The following DMD variants were observed in gnomAD, a reference collection of about 807,000 sequenced individuals.
DMD encodes the protein mutant dystrophin.
A neutral mutation model predicts 330.1 loss-of-function variants in DMD; 63 were observed. That is an observed-to-expected ratio of 0.19 (90% confidence interval 0.16 to 0.24). DMD has a LOEUF of 0.24. Ranked by LOEUF, DMD falls within the 10% of genes least tolerant of loss-of-function variation. The probability of loss-of-function intolerance (pLI) is 1.00; values close to 1 mark genes in which losing one functional copy is unlikely to be tolerated. For missense variants in DMD, 3,344 were observed against 2,684.1 expected (o/e 1.25, Z -5.43); for synonymous variants, 1,223 against 959.8 (o/e 1.27, Z -5.07).
At chrX:32,688,221 A>G (rs5972649) in intron 9 of DMD, among the ~76,000 whole-genome samples, 297 of 111,079 alleles carry the variant, frequency 2.7e-3, no homozygotes, top group Admixed American at 4.8e-3. Context: ...AAATGAGAGC[A>G]TTCAAATATC....
intron 76 of DMD, among the ~76,000 whole-genome samples, chrX:31,136,497 C>G (rs780643738): frequency 8.6e-4 from 96 of 112,096 alleles, no homozygotes; most frequent in African/African-American, 3.0e-3. Context: ...TTTTGCGGAA[C>G]TGGGAAACAT....
At chrX:33,292,687 A>G (rs548064170) in intron 1 of DMD, among the ~76,000 whole-genome samples, 4 of 111,350 alleles carry the variant, frequency 3.6e-5, no homozygotes, top group African/African-American at 1.3e-4. Flanking sequence ...ATGAAGAAAA[A>G]AAAGAAAGAA....
chrX:31,956,006 A>C (rs753507658), intron 45 of DMD, among the ~76,000 whole-genome samples: 2 of 112,354 alleles, frequency 1.8e-5, no homozygotes, highest in South Asian at 7.4e-4. Flanking sequence ...CATGAGAATA[A>C]ATTCTGGCCA....
At chrX:32,082,436 CT>C (rs1486694440) in intron 44 of DMD, among the ~76,000 whole-genome samples, 13 of 107,906 alleles carry the variant, frequency 1.2e-4, no homozygotes, top group Non-Finnish European at 2.3e-4. Flanking sequence ...ATCTATCTAT[CT>C]ATTTTGTAGA....
chrX:32,318,219 A>AT (rs2097591320), intron 41 of DMD, among the ~76,000 whole-genome samples: 1 of 111,349 alleles, frequency 9.0e-6, no homozygotes, highest in Non-Finnish European at 1.9e-5. Flanking sequence ...AAGTTGAGAG[A>AT]TTTTTTATTT....
chrX:31,514,979 C>A (rs1365182276), intron 55 of DMD, among the ~76,000 whole-genome samples: 1 of 109,194 alleles, frequency 9.2e-6, no homozygotes, highest in Non-Finnish European at 1.9e-5. Context: ...AGAATAAAGT[C>A]TTCCTTTAGG....
In DMD at chrX:32,491,272, C is replaced by T; in HGVS notation, c.2622+5G>A. ...GCTCCAAATGGAAGGAGAAGAGATTCTTACCTTACAAATTTTTAACTGACT... is the reference window on the plus strand; with the variant it reads ...GCTCCAAATGGAAGGAGAAGAGATTTTTACCTTACAAATTTTTAACTGACT... On this transcript the variant is annotated splice_donor_5th_base_variant and intron_variant, in intron 20 of 78. Transcript: ENST00000357033. 1.7e-6 allele frequency: 2 copies of T among 1,211,538 alleles called. No individual in the cohort carries two copies. Among genetic ancestry groups the T allele is most frequent in the Non-Finnish European group, 1.1e-6 (1 of 895,315 alleles).
intron 2 of DMD, among the ~76,000 whole-genome samples, chrX:33,008,733 A>T (rs1035597756): frequency 1.2e-3 from 127 of 104,165 alleles, no homozygotes; most frequent in Non-Finnish European, 1.9e-3. Context: ...GATTGTTAAA[A>T]ATATATATAT....
chrX:32,099,129 C>T (rs1300286069), intron 44 of DMD, among the ~76,000 whole-genome samples: 1 of 111,547 alleles, frequency 9.0e-6, no homozygotes, highest in Non-Finnish European at 1.9e-5. Context: ...TAAAAGTGTT[C>T]CTATTTCTCC....
At chrX:32,050,516 A>C (rs2096101685) in intron 44 of DMD, among the ~76,000 whole-genome samples, 1 of 111,877 alleles carries the variant, frequency 8.9e-6, no homozygotes, top group South Asian at 3.7e-4. Context: ...GAAAGAATTG[A>C]ATTGATTTCT....
chrX:32,576,108 G>A (rs1281292006), intron 13 of DMD, among the ~76,000 whole-genome samples: 1 of 111,543 alleles, frequency 9.0e-6, no homozygotes, highest in South Asian at 3.7e-4. Context: ...TTGCAGTTTT[G>A]TTCACTGTAT....
chrX:32,058,001 T>C (rs1215202004), intron 44 of DMD, among the ~76,000 whole-genome samples: 1 of 111,273 alleles, frequency 9.0e-6, no homozygotes, highest in Non-Finnish European at 1.9e-5. Context: ...CAACCAATGG[T>C]GCTGGGAAAA....
chrX:32,326,384 G>A (rs1413232471), intron 41 of DMD, among the ~76,000 whole-genome samples: 1 of 111,842 alleles, frequency 8.9e-6, no homozygotes, highest in Non-Finnish European at 1.9e-5. Context: ...AAAGCCAAAG[G>A]ACATATTTTG....
chrX:33,277,917 C>T (rs1449481668), intron 1 of DMD, among the ~76,000 whole-genome samples: 1 of 110,747 alleles, frequency 9.0e-6, no homozygotes, highest in Non-Finnish European at 1.9e-5. Flanking sequence ...GGTCTGTCAC[C>T]ATAGTGAGAC....
intron 1 of DMD, among the ~76,000 whole-genome samples, chrX:33,172,545 G>C (rs1371405017): frequency 9.0e-6 from 1 of 111,004 alleles, no homozygotes; most frequent in African/African-American, 3.3e-5. Flanking sequence ...AGAATGGTTT[G>C]GTGCTGTCCA....
At chrX:31,591,190 T>C in intron 55 of DMD, among the ~76,000 whole-genome samples, 1 of 112,247 alleles carries the variant, frequency 8.9e-6, no homozygotes. Flanking sequence ...TAATTTCACT[T>C]CTTTATTTTT....
At chrX:32,778,400 C>T (rs768883727) in intron 7 of DMD, among the ~76,000 whole-genome samples, 2 of 110,949 alleles carry the variant, frequency 1.8e-5, no homozygotes, top group Non-Finnish European at 3.8e-5. Flanking sequence ...GCTGAACAGC[C>T]AAGTACAACA....
chrX:31,263,154 G>A (rs991090703), intron 62 of DMD, among the ~76,000 whole-genome samples: 3 of 112,689 alleles, frequency 2.7e-5, no homozygotes, highest in Non-Finnish European at 3.8e-5. Flanking sequence ...CTATAGGTCT[G>A]CAGAAAAACA....
At chrX:32,605,933 G>A (rs5928042) in intron 12 of DMD, among the ~76,000 whole-genome samples, 15,205 of 108,540 alleles carry the variant, frequency 0.14, 882 homozygotes, top group Middle Eastern at 0.2. Flanking sequence ...GTATTTGTGG[G>A]GTACATGAGA....
Sources: gnomAD v4.1 joint callset for allele counts (sites outside exome capture counted in the v4.1 genomes callset) on GRCh38, gnomAD v4.1.1 for gene constraint, MANE v1.5 for transcripts, NCBI Gene and HGNC (gene_info 2026-07-23, HGNC 2026-07-21) for gene names.